Variants in ADAM32 observed in about 807,000 individuals in gnomAD.
ADAM32 encodes ADAM metallopeptidase domain 32.
A neutral mutation model predicts 114.9 loss-of-function variants in ADAM32; 89 were observed. The observed-to-expected ratio is 0.77, with a 90% CI of 0.65 to 0.92. The LOEUF (loss-of-function observed/expected upper bound fraction) is 0.92. Among genes scored for constraint, ADAM32 ranks in the 40% least tolerant of loss-of-function variants. The pLI, the probability that ADAM32 is intolerant of heterozygous loss-of-function variation, is 0.00. For missense variants in ADAM32, 870 were observed against 932.8 expected (o/e 0.93, Z 0.88); for synonymous variants, 285 against 307.5 (o/e 0.93, Z 0.77).
chr8:39,203,231 G>T (rs958751851), intron 11 of ADAM32, among the ~76,000 whole-genome samples: 2 of 152,138 alleles, frequency 1.3e-5, no homozygotes, highest in Admixed American at 6.5e-5. Context: ...TGACAATGGG[G>T]TGTTAAAGTC....
At chr8:39,130,880 T>C (rs893476832) in intron 2 of ADAM32, 1 of 457,030 alleles carries the variant, frequency 2.2e-6, no homozygotes, top group African/African-American at 2.0e-5. Context: ...AGTAGTCAGT[T>C]AGCTTGTGTT....
chr8:39,174,284 C>T (rs1304807664), intron 10 of ADAM32, among the ~76,000 whole-genome samples: 1 of 152,042 alleles, frequency 6.6e-6, no homozygotes, highest in Non-Finnish European at 1.5e-5. Context: ...GGTGTGTGGT[C>T]TTATTTCTGA....
At position 39,221,595 on chromosome 8, in the gene ADAM32, T is replaced by C; in HGVS notation, c.1234-15T>C. The C allele has an allele frequency of 6.3e-7, 1 of 1,593,244 alleles. No individual in the cohort carries two copies. The highest frequency in any genetic ancestry group is 8.6e-7 in the Non-Finnish European group (1 of 1,162,964). ...TCATGATGTATTTTTACTTGTACAT[T>C]TCACTAATTCATAGCAATGTGGACC... On this transcript the variant is annotated splice_polypyrimidine_tract_variant and intron_variant, in intron 12 of 24. Coordinates refer to ENST00000379907, the MANE Select transcript of ADAM32 (RefSeq NM_145004.7).
At chr8:39,182,320 A>T (rs1399105535) in intron 10 of ADAM32, among the ~76,000 whole-genome samples, 1 of 152,194 alleles carries the variant, frequency 6.6e-6, no homozygotes, top group Non-Finnish European at 1.5e-5. Context: ...CTGGAAGATT[A>T]AAAAAAGGAA....
intron 16 of ADAM32, among the ~76,000 whole-genome samples, chr8:39,234,411 G>T (rs1217709603): frequency 6.6e-6 from 1 of 152,048 alleles, no homozygotes; most frequent in Non-Finnish European, 1.5e-5. Context: ...GAAGAAAGAA[G>T]AAATCTCACT....
chr8:39,185,215 AGAT>A (rs1806143709), intron 10 of ADAM32, among the ~76,000 whole-genome samples: 1 of 151,912 alleles, frequency 6.6e-6, no homozygotes, highest in Non-Finnish European at 1.5e-5. Flanking sequence ...CAGTGAGCCA[AGAT>A]CATGCCATTG....
chr8:39,133,668 G>C (rs75564218), intron 2 of ADAM32, among the ~76,000 whole-genome samples: 1,797 of 152,354 alleles, frequency 0.012, 36 homozygotes, highest in African/African-American at 0.04. Context: ...GGTGCATGTG[G>C]GTGGGCACTG....
At chr8:39,177,856 G>C (rs1370498031) in intron 10 of ADAM32, among the ~76,000 whole-genome samples, 1 of 152,130 alleles carries the variant, frequency 6.6e-6, no homozygotes, top group African/African-American at 2.4e-5. Context: ...CTTCTGGCTT[G>C]CAAGGTTCCA....
chr8:39,180,830 C>T (rs1283965946), intron 10 of ADAM32, among the ~76,000 whole-genome samples: 1 of 151,742 alleles, frequency 6.6e-6, no homozygotes, highest in Non-Finnish European at 1.5e-5. Context: ...CTGTATCTAG[C>T]TCAAGGTTTG....
chr8:39,253,485 C>T (rs1235510678), intron 17 of ADAM32, among the ~76,000 whole-genome samples: 1 of 151,590 alleles, frequency 6.6e-6, no homozygotes, highest in African/African-American at 2.4e-5. Flanking sequence ...AATAAAGTAG[C>T]TTCTGTTTGC....
chr8:39,232,275 C>T (rs1809792239), intron 15 of ADAM32, 140 bp downstream of exon 15: 5 of 571,380 alleles, frequency 8.8e-6, no homozygotes, highest in Non-Finnish European at 1.5e-5. Flanking sequence ...AAATCCCCAG[C>T]CCTGACACCT....
intron 14 of ADAM32, among the ~76,000 whole-genome samples, chr8:39,229,953 G>A (rs1045444779): frequency 2.0e-5 from 3 of 152,174 alleles, no homozygotes; most frequent in East Asian, 1.9e-4. Context: ...GCCATAAAAC[G>A]AGCCTCAATA....
At chr8:39,177,151 C>G (rs564581879) in intron 10 of ADAM32, among the ~76,000 whole-genome samples, 1 of 152,054 alleles carries the variant, frequency 6.6e-6, no homozygotes, top group African/African-American at 2.4e-5. Context: ...CCTCTGCCTC[C>G]CAGGTTCAAG....
intron 3 of ADAM32, among the ~76,000 whole-genome samples, chr8:39,146,827 A>G (rs1011118541): frequency 1.1e-4 from 17 of 152,234 alleles, no homozygotes; most frequent in African/African-American, 4.1e-4. Context: ...AACATTAAAT[A>G]TATGTCAAAA....
At chr8:39,196,444 C>T (rs369529895) in intron 11 of ADAM32, among the ~76,000 whole-genome samples, 91 of 152,078 alleles carry the variant, frequency 6.0e-4, no homozygotes, top group Admixed American at 3.9e-4. Context: ...AAGCTTTTTC[C>T]TGTCCAGTAG....
intron 3 of ADAM32, among the ~76,000 whole-genome samples, chr8:39,142,591 T>C (rs778714735): frequency 6.6e-6 from 1 of 152,220 alleles, no homozygotes; most frequent in Non-Finnish European, 1.5e-5. Context: ...CTGATGGTCT[T>C]CCCTTTGTTG....
Position 39,149,827 on chromosome 8 carries a change from C to G in ADAM32, c.313C>G (p.Pro105Ala). 6.2e-7 allele frequency: 1 copy of G among 1,611,970 alleles called. No individual in the cohort carries two copies. Among genetic ancestry groups the G allele is most frequent in the Middle Eastern group, 1.7e-4 (1 of 6,054 alleles). Residue 105 changes from proline to alanine, a missense_variant, in exon 5 of 25, where the codon CCA becomes GCA. By Grantham distance (27) the Pro-to-Ala change is conservative. Transcript: ENST00000379907. ...CTATCAAGGAAATATTGAAGGATAT[C>G]CAGATTCCATGGTCACACTCAGCAC... ...CYYQGNIEGY[P>A]DSMVTLSTCS...
chr8:39,249,340 G>A (rs1811142218), intron 17 of ADAM32, among the ~76,000 whole-genome samples: 1 of 152,156 alleles, frequency 6.6e-6, no homozygotes, highest in African/African-American at 2.4e-5. Flanking sequence ...ACATGCCTGC[G>A]ATAAATCTTG....
intron 17 of ADAM32, among the ~76,000 whole-genome samples, chr8:39,251,511 T>G (rs1163377089): frequency 1.3e-5 from 2 of 151,956 alleles, no homozygotes; most frequent in Non-Finnish European, 2.9e-5. Flanking sequence ...GTTTGTTTTA[T>G]TTTGAGAAAT....
Sources: allele counts gnomAD v4.1 joint callset (sites outside exome capture counted in the v4.1 genomes callset), GRCh38; gene constraint gnomAD v4.1.1; transcripts MANE v1.5; gene names NCBI Gene and HGNC (gene_info 2026-07-23, HGNC 2026-07-21).